Variants in VCL observed in about 807,000 individuals in gnomAD.
The protein encoded by VCL is vinculin.
Under a neutral mutation model 125.7 loss-of-function variants are expected in VCL, and 47 were observed. That is an observed-to-expected ratio of 0.37 (90% CI 0.30 to 0.48). The LOEUF (loss-of-function observed/expected upper bound fraction) is 0.48. VCL is among the 20% of genes least tolerant of loss of function. The probability of loss-of-function intolerance (pLI) is 0.99; values close to 1 mark genes in which losing one functional copy is unlikely to be tolerated. For synonymous variants in VCL, 458 were observed against 514.6 expected (o/e 0.89, Z 1.49); for missense variants, 1,069 against 1,455.5 (o/e 0.73, Z 4.32).
In VCL at chr10:74,114,447, G is replaced by A. The variant is rs1840282068; in HGVS notation, c.3153+60G>A. 3 of 1,565,352 alleles carry A rather than the reference G, an allele frequency of 1.9e-6. No homozygotes were observed. In the Admixed American group the frequency reaches 5.4e-5, roughly 28 times the overall value. ...TGTGTGTGTGTGTGTGCGTGTGTGTGTGTGTTGGAGGGGAGGGTATGAGAG... is the reference window on the plus strand; with the variant it reads ...TGTGTGTGTGTGTGTGCGTGTGTGTATGTGTTGGAGGGGAGGGTATGAGAG... On this transcript the variant is annotated intron_variant, in intron 20 of 21. Transcript: ENST00000211998.
intron 2 of VCL, among the ~76,000 whole-genome samples, chr10:74,064,402 CAA>C: frequency 1.3e-5 from 2 of 151,238 alleles, no homozygotes; most frequent in Non-Finnish European, 2.9e-5. Flanking sequence ...TATTAGCATA[CAA>C]AAGACACTTT....
At chr10:74,036,973 C>T (rs988791960) in intron 1 of VCL, among the ~76,000 whole-genome samples, 8 of 151,696 alleles carry the variant, frequency 5.3e-5, no homozygotes, top group Admixed American at 1.3e-4. Flanking sequence ...TGCAGTGGCC[C>T]GATCTTGGCT....
chr10:74,089,427 C>A, intron 9 of VCL, 78 bp downstream of exon 9: 1 of 1,588,440 alleles, frequency 6.3e-7, no homozygotes, highest in South Asian at 1.1e-5. Context: ...TCTTTCTTCT[C>A]TGTCTCTTAT....
intron 1 of VCL, among the ~76,000 whole-genome samples, chr10:74,031,623 A>C (rs1476199923): frequency 6.6e-6 from 1 of 152,222 alleles, no homozygotes; most frequent in East Asian, 1.9e-4. Flanking sequence ...AAGCACAAGC[A>C]ACCAAAATCA....
At chr10:74,032,624 C>T (rs562749096) in intron 1 of VCL, among the ~76,000 whole-genome samples, 26 of 151,400 alleles carry the variant, frequency 1.7e-4, no homozygotes, top group African/African-American at 4.8e-4. Flanking sequence ...CGCTTGAACC[C>T]GGGAGGCGGA....
intron 18 of VCL, among the ~76,000 whole-genome samples, chr10:74,110,321 A>G (rs1264289062): frequency 6.6e-6 from 1 of 152,208 alleles, no homozygotes; most frequent in East Asian, 1.9e-4. Context: ...TTAAAAAAAC[A>G]AACAAACTTA....
At chr10:74,070,398 T>C (rs2136272509) in intron 2 of VCL, among the ~76,000 whole-genome samples, 1 of 152,346 alleles carries the variant, frequency 6.6e-6, no homozygotes, top group South Asian at 2.1e-4. Context: ...ATAAGGGCAG[T>C]GCACTGAATG....
chr10:74,103,084 TCTCAAA>T (rs1318159672), intron 14 of VCL, among the ~76,000 whole-genome samples: 2 of 152,076 alleles, frequency 1.3e-5, no homozygotes, highest in African/African-American at 4.8e-5. Context: ...GCCAGGCTGG[TCTCAAA>T]CTCCTGACCT....
At chr10:74,109,773 T>C (rs1052574411) in intron 18 of VCL, among the ~76,000 whole-genome samples, 2 of 152,216 alleles carry the variant, frequency 1.3e-5, no homozygotes, top group Non-Finnish European at 2.9e-5. Context: ...AACTTTTGCC[T>C]ATTTTCCCCT....
chr10:74,005,674 G>T (rs1343613214), intron 1 of VCL, among the ~76,000 whole-genome samples: 1 of 152,094 alleles, frequency 6.6e-6, no homozygotes, highest in East Asian at 1.9e-4. Context: ...TTGGTTGCAG[G>T]AACCCCCCTC....
At chr10:74,032,265 A>G (rs1290579219) in intron 1 of VCL, among the ~76,000 whole-genome samples, 1 of 151,248 alleles carries the variant, frequency 6.6e-6, no homozygotes, top group African/African-American at 2.4e-5. Flanking sequence ...AAAAAAGAAA[A>G]AGGAAAAGAC....
chr10:74,120,397 T>TAACA (rs1289308559), downstream of VCL: 1 of 152,244 alleles, frequency 6.6e-6, no homozygotes, highest in Non-Finnish European at 1.5e-5. Context: ...TGGCAAAGGT[T>TAACA]AACAGGCAGA....
chr10:74,033,450 A>T (rs1216298279), intron 1 of VCL, among the ~76,000 whole-genome samples: 1 of 152,200 alleles, frequency 6.6e-6, no homozygotes, highest in Admixed American at 6.5e-5. Context: ...TCATGGTTGC[A>T]CAACTCTGTG....
chr10:74,005,697 C>T (rs1199368983), intron 1 of VCL, among the ~76,000 whole-genome samples: 1 of 152,176 alleles, frequency 6.6e-6, no homozygotes. Context: ...ATACCAAAAT[C>T]TGCAGATACT....
intron 14 of VCL, among the ~76,000 whole-genome samples, chr10:74,101,495 T>C (rs890968174): frequency 6.6e-6 from 1 of 150,742 alleles, no homozygotes; most frequent in Non-Finnish European, 1.5e-5. Context: ...ACCGTCTTTA[T>C]ACATTTTCAT....
At chr10:74,076,303 T>G (rs1436703763) in intron 6 of VCL, 3 of 152,696 alleles carry the variant, frequency 2.0e-5, no homozygotes, top group Non-Finnish European at 1.5e-5. Flanking sequence ...ATTGAGTGAT[T>G]TCTTTGGGAA....
intron 1 of VCL, among the ~76,000 whole-genome samples, chr10:74,007,056 A>G (rs184279584): frequency 2.0e-5 from 3 of 151,624 alleles, no homozygotes; most frequent in Admixed American, 1.3e-4. Context: ...GCGTCGACCT[A>G]CTGGGCATTG....
intron 6 of VCL, among the ~76,000 whole-genome samples, 156 bp from the exon 7 acceptor site, chr10:74,082,298 T>C (rs986795382): frequency 3.3e-5 from 5 of 152,284 alleles, no homozygotes; most frequent in Non-Finnish European, 7.4e-5. Context: ...TTGACAGAAA[T>C]GAGAATTGTG....
At chr10:74,047,635 AG>A (rs1274132051) in intron 2 of VCL, among the ~76,000 whole-genome samples, 2 of 152,226 alleles carry the variant, frequency 1.3e-5, no homozygotes, top group Admixed American at 1.3e-4. Context: ...CTGTACTCCT[AG>A]AATGTTAAGA....
Sources: allele counts gnomAD v4.1 joint callset (sites outside exome capture counted in the v4.1 genomes callset), GRCh38; gene constraint gnomAD v4.1.1; transcripts MANE v1.5; gene names NCBI Gene and HGNC (gene_info 2026-07-23, HGNC 2026-07-21).